The following KIFAP3 variants were observed in gnomAD, a reference collection of about 807,000 sequenced individuals.
KIFAP3 encodes kinesin associated protein 3.
In KIFAP3, 68 loss-of-function variants were observed where a neutral mutation model predicts 106.5. The ratio of observed to expected loss-of-function variants is 0.64; its 90% CI spans 0.53 to 0.78. The LOEUF is 0.78. Ranked by LOEUF, KIFAP3 falls within the 30% of genes least tolerant of loss-of-function variation. KIFAP3 has a pLI of 0.00. For missense variants in KIFAP3, 780 were observed against 941.8 expected, an observed-to-expected ratio of 0.83 and a Z score of 2.25; for synonymous variants, 320 against 311.5, an observed-to-expected ratio of 1.03 and a Z score of -0.29.
At chr1:170,035,681 C>T (rs1372722992) in intron 5 of KIFAP3, 128 bp from the exon 6 acceptor site, 8 of 539,530 alleles carry the variant, frequency 1.5e-5, no homozygotes, top group Non-Finnish European at 2.6e-5. Flanking sequence ...AAGTAGGATG[C>T]TTCTTTCCAA....
intron 19 of KIFAP3, among the ~76,000 whole-genome samples, chr1:169,935,392 G>A (rs146730333): frequency 0.026 from 4,023 of 151,952 alleles, 101 homozygotes; most frequent in South Asian, 0.093. Context: ...TTTTAAGATC[G>A]CTTTGCCTTT....
At position 170,013,972 on chromosome 1, in the gene KIFAP3, T is replaced by C. The variant is rs116728403; in HGVS notation, c.1183+2490A>G. 9.8e-3 allele frequency among the ~76,000 whole-genome samples: 1,494 copies of C among 152,322 alleles called. 9 individuals are homozygous for C. Among genetic ancestry groups the C allele is most frequent in the Middle Eastern group, 0.017 (5 of 294 alleles). ...TCTAATAGTCATAGATTTTATGACA[T>C]CTTTTTCTATCATCACCCACATCCA... On this transcript the variant is annotated intron_variant, in intron 10 of 19. Coordinates refer to ENST00000361580, the MANE Select transcript of KIFAP3 (RefSeq NM_014970.4).
At chr1:170,072,412 G>A (rs1473496353) in intron 1 of KIFAP3, among the ~76,000 whole-genome samples, 1 of 152,144 alleles carries the variant, frequency 6.6e-6, no homozygotes, top group Admixed American at 6.5e-5. Flanking sequence ...GACCCTAACA[G>A]GTATACCTGA....
At chr1:169,981,155 T>C (rs1008189699) in intron 15 of KIFAP3, among the ~76,000 whole-genome samples, 2 of 152,110 alleles carry the variant, frequency 1.3e-5, no homozygotes, top group Admixed American at 1.3e-4. Context: ...TATAATACAG[T>C]GGTCCTCCCT....
Position 169,978,116 on chromosome 1 carries a change from TTGG to T in KIFAP3, c.1863_1865del (p.His621del). The T allele has an allele frequency of 1.9e-6, 3 of 1,611,824 alleles. No homozygotes were observed. The highest frequency in any genetic ancestry group is 2.5e-6 in the Non-Finnish European group (3 of 1,178,224). ...CCTTGATTATGACGTCTCTTGTGGC[TTGG>T]TGGAAAACCATCTGGTAGAAGACAT... is the stretch of plus-strand genomic sequence containing the variant. On this transcript the variant is annotated inframe_deletion, in exon 16 of 20. Transcript: ENST00000361580.
chr1:170,028,448 T>G (rs1669233195), intron 8 of KIFAP3, among the ~76,000 whole-genome samples: 1 of 152,194 alleles, frequency 6.6e-6, no homozygotes, highest in Admixed American at 6.5e-5. Context: ...GTGATTCTCC[T>G]GCCTCAGCCT....
intron 12 of KIFAP3, among the ~76,000 whole-genome samples, chr1:169,983,768 A>C (rs1365348919): frequency 6.6e-6 from 1 of 151,930 alleles, no homozygotes; most frequent in Non-Finnish European, 1.5e-5. Flanking sequence ...GACTCAGAAA[A>C]ATTGTACTTC....
At chr1:170,055,942 G>T (rs1670829794) in intron 1 of KIFAP3, among the ~76,000 whole-genome samples, 1 of 152,034 alleles carries the variant, frequency 6.6e-6, no homozygotes, top group Non-Finnish European at 1.5e-5. Context: ...GACCAGCCCA[G>T]GTAACATAGC....
At chr1:169,979,463 G>A (rs1666395071) in intron 15 of KIFAP3, among the ~76,000 whole-genome samples, 1 of 151,932 alleles carries the variant, frequency 6.6e-6, no homozygotes, top group South Asian at 2.1e-4. Flanking sequence ...AAACTCAAAA[G>A]AGAAAAATGC....
At chr1:169,990,823 T>C (rs903496245) in intron 11 of KIFAP3, among the ~76,000 whole-genome samples, 4 of 152,194 alleles carry the variant, frequency 2.6e-5, no homozygotes, top group Admixed American at 6.5e-5. Context: ...CACTGAATCA[T>C]AGCAAAAATC....
chr1:170,077,703 T>G (rs1471714833), upstream of KIFAP3, among the ~76,000 whole-genome samples: 2 of 152,214 alleles, frequency 1.3e-5, no homozygotes, highest in African/African-American at 4.8e-5. Context: ...TTGTATCCTT[T>G]GGAGTCGCCT....
Position 169,982,839 on chromosome 1 carries a change from A to T in KIFAP3, c.1535T>A (p.Ile512Asn), listed in dbSNP as rs1483535174. The change falls in exon 14 of 20, where the codon ATC becomes AAC. Residue 512 changes from isoleucine to asparagine, a missense_variant. By Grantham distance (149) the Ile-to-Asn change is moderately radical (BLOSUM62 -3). Transcript: ENST00000361580. Reference protein sequence around the residue: ...IDYVGDLAAQISNDEEEEFVI... With the variant: ...IDYVGDLAAQNSNDEEEEFVI... Reference sequence around the variant, plus strand: ...AAACTCCTCTTCTTCATCATTAGAGATCTGGGCTGCAAGGTCCCCAACATA... The same window carrying T: ...AAACTCCTCTTCTTCATCATTAGAGTTCTGGGCTGCAAGGTCCCCAACATA... 2 of 1,600,714 alleles carry T rather than the reference A, an allele frequency of 1.2e-6. No individual in the cohort carries two copies. The highest frequency in any genetic ancestry group is 2.2e-5 in the South Asian group (2 of 88,996).
chr1:169,930,194 CT>C (rs1417030224), intron 19 of KIFAP3, among the ~76,000 whole-genome samples: 2 of 152,066 alleles, frequency 1.3e-5, no homozygotes, highest in South Asian at 2.1e-4. Flanking sequence ...TATTAATTTA[CT>C]TTTTTATTAC....
intron 8 of KIFAP3, among the ~76,000 whole-genome samples, chr1:170,028,674 A>C (rs1669244289): frequency 6.6e-6 from 1 of 152,190 alleles, no homozygotes; most frequent in Non-Finnish European, 1.5e-5. Context: ...AAGTATAATA[A>C]ATGTTAGTAA....
At chr1:170,039,354 T>C (rs1301111634) in intron 3 of KIFAP3, 66 bp from the exon 4 acceptor site, 4 of 861,484 alleles carry the variant, frequency 4.6e-6, no homozygotes, top group Admixed American at 2.3e-5. Flanking sequence ...ATTTTTATTT[T>C]CAGCAGCTGA....
intron 1 of KIFAP3, among the ~76,000 whole-genome samples, chr1:170,060,584 G>GC (rs1403352300): frequency 6.6e-6 from 1 of 151,966 alleles, no homozygotes; most frequent in Non-Finnish European, 1.5e-5. Context: ...TGGCCATACC[G>GC]CCTAGGTAAT....
intron 19 of KIFAP3, among the ~76,000 whole-genome samples, chr1:169,928,589 C>T (rs1308710665): frequency 7.1e-6 from 1 of 139,938 alleles, no homozygotes; most frequent in African/African-American, 2.7e-5. Context: ...CCCAGCTACT[C>T]ATGGGTTTGA....
At chr1:170,034,861 A>T (rs1416827523) in intron 6 of KIFAP3, among the ~76,000 whole-genome samples, 1 of 151,966 alleles carries the variant, frequency 6.6e-6, no homozygotes, top group East Asian at 1.9e-4. Context: ...GACATCAGAG[A>T]ATTCGTAAAG....
At chr1:169,983,153 T>A in intron 13 of KIFAP3, 117 bp downstream of exon 13, 1 of 671,484 alleles carries the variant, frequency 1.5e-6, no homozygotes. Flanking sequence ...GTTGATAACA[T>A]AAGAGCAATT....
Sources: gnomAD v4.1 joint callset for allele counts (sites outside exome capture counted in the v4.1 genomes callset) on GRCh38, gnomAD v4.1.1 for gene constraint, MANE v1.5 for transcripts, NCBI Gene and HGNC (gene_info 2026-07-23, HGNC 2026-07-21) for gene names.